The following RERE variants were observed in gnomAD, a reference collection of about 807,000 sequenced individuals.
RERE encodes the protein arginine-glutamic acid dipeptide repeats.
In RERE, 40 loss-of-function variants were observed where a neutral mutation model predicts 146.1. The observed-to-expected ratio is 0.27, with a 90% confidence interval of 0.21 to 0.36. RERE has a LOEUF of 0.36. Ranked by LOEUF, RERE falls within the 10% of genes least tolerant of loss-of-function variation. The pLI, the probability that RERE is intolerant of heterozygous loss-of-function variation, is 1.00. For missense variants in RERE, 1,933 were observed against 2,138.7 expected (o/e 0.90, Z 1.90); for synonymous variants, 1,003 against 866.0 (o/e 1.16, Z -2.78).
At chr1:8,642,078 T>C (rs1570552792) in intron 2 of RERE, among the ~76,000 whole-genome samples, 1 of 152,356 alleles carries the variant, frequency 6.6e-6, no homozygotes, top group East Asian at 1.9e-4. Flanking sequence ...ATATTTTATA[T>C]TTTAAATAAT....
chr1:8,419,058 G>A (rs539281566), intron 12 of RERE, among the ~76,000 whole-genome samples: 9 of 152,234 alleles, frequency 5.9e-5, no homozygotes, highest in South Asian at 2.1e-4. Flanking sequence ...TGCTCCACCC[G>A]TATTCCTGAC....
intron 2 of RERE, among the ~76,000 whole-genome samples, chr1:8,626,057 A>G (rs1646970137): frequency 1.3e-5 from 2 of 152,224 alleles, no homozygotes; most frequent in South Asian, 2.1e-4. Flanking sequence ...CAGATGCTAA[A>G]TAACTGTGCT....
rs1438788501 is a variant in RERE at position 8,627,873 on chromosome 1, A to G, written c.326-3493T>C. Among the ~76,000 whole-genome samples the G allele has an allele frequency of 2.6e-5, 4 of 152,332 alleles. No homozygotes were observed. In the East Asian group the frequency reaches 7.7e-4, roughly 29 times the overall value. Reference sequence around the variant, plus strand: ...ATACACTAGGATATAGCTCTGTTAGAGAAGGAAGGAAAGGAACATGCCGGT... The same window carrying G: ...ATACACTAGGATATAGCTCTGTTAGGGAAGGAAGGAAAGGAACATGCCGGT... On this transcript the variant is annotated intron_variant, in intron 2 of 22. Transcript: ENST00000400908.
rs1641211817 is a variant in RERE at position 8,354,416 on chromosome 1, A to G, written c.*671T>C. 1 of 152,494 alleles carries G rather than the reference A, an allele frequency of 6.6e-6. No homozygotes were observed. Among genetic ancestry groups the G allele is most frequent in the Admixed American group, 6.5e-5 (1 of 15,286 alleles). 9.4% of individuals were successfully genotyped at this position (152,494 alleles called of 1,614,324 possible). A position where few individuals can be genotyped will look rare whatever the true frequency, so the allele number is the denominator to read the frequency against. ...CCTTTAATTAAAGGGATAATTATAT[A>G]TAACTTTTTATTAAAAAATCAACTC... On this transcript the variant is annotated 3_prime_UTR_variant, in exon 23 of 23. Transcript: ENST00000400908.
At chr1:8,466,478 G>A (rs1208910642) in intron 10 of RERE, among the ~76,000 whole-genome samples, 1 of 152,048 alleles carries the variant, frequency 6.6e-6, no homozygotes, top group Non-Finnish European at 1.5e-5. Flanking sequence ...TCACCACACT[G>A]AGCCAGCAGG....
In RERE at chr1:8,618,193, A is replaced by C. The variant is rs35271674; in HGVS notation, c.397-3507T>G. On this transcript the variant is annotated intron_variant, in intron 3 of 22. Coordinates refer to ENST00000400908, the MANE Select transcript of RERE (RefSeq NM_001042681.2). ...AACCTAAGGTACCAACTAAACATCA[A>C]CATCACAATCAGTGTCATTCTATGG... Among the ~76,000 whole-genome samples, 1,446 of 152,314 alleles carry C rather than the reference A, an allele frequency of 9.5e-3. 24 individuals carry two copies. Among genetic ancestry groups the C allele is most frequent in the African/African-American group, 0.033 (1,390 of 41,536 alleles).
At chr1:8,814,338 T>C (rs960023281) in intron 1 of RERE, among the ~76,000 whole-genome samples, 1 of 152,234 alleles carries the variant, frequency 6.6e-6, no homozygotes, top group Admixed American at 6.5e-5. Flanking sequence ...TAAAAATCCT[T>C]TGAGACATTT....
At chr1:8,533,926 A>T (rs891838510) in intron 7 of RERE, among the ~76,000 whole-genome samples, 2 of 152,248 alleles carry the variant, frequency 1.3e-5, no homozygotes, top group African/African-American at 4.8e-5. Flanking sequence ...TATTAAAGTT[A>T]TCTTAACTTC....
intron 1 of RERE, among the ~76,000 whole-genome samples, chr1:8,672,031 T>C (rs1299402643): frequency 6.6e-6 from 1 of 152,090 alleles, no homozygotes; most frequent in Non-Finnish European, 1.5e-5. Context: ...TCTAGCACTT[T>C]GGGAGGCTGA....
Position 8,433,600 on chromosome 1 carries a change from T to C in RERE, c.1204-10793A>G, listed in dbSNP as rs549965402. 3.7e-3 allele frequency among the ~76,000 whole-genome samples: 545 copies of C among 146,358 alleles called. 2 individuals carry two copies. Among genetic ancestry groups the C allele is most frequent in the Middle Eastern group, 0.014 (4 of 284 alleles). The stretch of plus-strand genomic sequence containing the variant: ...ACGGAGTCTCGCTCTGTCGCCCAGG[T>C]CGGACTGCGGACTGCAGTGGCGCAA... On this transcript the variant is annotated intron_variant, in intron 11 of 22. Transcript: ENST00000400908.
intron 9 of RERE, 70 bp from the exon 10 acceptor site, chr1:8,495,232 T>A: frequency 8.7e-7 from 1 of 1,144,044 alleles, no homozygotes; most frequent in South Asian, 1.2e-5. Context: ...ACCTTCAATT[T>A]TCAGAGGACA....
chr1:8,403,108 T>C (rs920244300), intron 12 of RERE, among the ~76,000 whole-genome samples: 9 of 151,722 alleles, frequency 5.9e-5, no homozygotes, highest in African/African-American at 2.2e-4. Flanking sequence ...CATGTTGGCC[T>C]GGCTGGTTGC....
At chr1:8,380,668 C>T (rs572264320) in intron 12 of RERE, 5 of 361,764 alleles carry the variant, frequency 1.4e-5, no homozygotes, top group African/African-American at 1.1e-4. Context: ...TTTTTAAAAG[C>T]TTGATTTTCC....
chr1:8,808,093 G>A (rs1315365761), intron 1 of RERE, among the ~76,000 whole-genome samples: 1 of 146,452 alleles, frequency 6.8e-6, no homozygotes, highest in African/African-American at 2.6e-5. Context: ...GCAATGAGCC[G>A]TGATCATGCA....
At chr1:8,489,426 T>G (rs565284329) in intron 10 of RERE, among the ~76,000 whole-genome samples, 6 of 151,832 alleles carry the variant, frequency 4.0e-5, no homozygotes, top group Admixed American at 2.6e-4. Context: ...GGACAAATAA[T>G]TCCCAATACA....
chr1:8,461,065 T>C (rs1644520196), intron 11 of RERE, among the ~76,000 whole-genome samples: 1 of 152,150 alleles, frequency 6.6e-6, no homozygotes, highest in Non-Finnish European at 1.5e-5. Context: ...CATGCATAAA[T>C]AAACAGAATT....
chr1:8,356,696 G>A lies in RERE; in HGVS notation c.4340-450C>T, dbSNP rs998154650. On this transcript the variant is annotated intron_variant, in intron 20 of 22. Transcript: ENST00000400908. This position sits in a 1 kb window ranked among gnomAD's most constrained non-coding sequence, Gnocchi z 5.2. ...GCAGAACCTAAAGGAGGCCAGCAGA[G>A]TGGGTGGCGCAGAATGGGGACCTGG... is the stretch of plus-strand genomic sequence containing the variant. Among the ~76,000 whole-genome samples, 1 of 152,190 alleles carries A rather than the reference G, an allele frequency of 6.6e-6. No individual in the cohort carries two copies. The highest frequency in any genetic ancestry group is 6.5e-5 in the Admixed American group (1 of 15,282).
intron 1 of RERE, among the ~76,000 whole-genome samples, chr1:8,675,914 T>C (rs1638831122): frequency 6.6e-6 from 1 of 152,168 alleles, no homozygotes; most frequent in African/African-American, 2.4e-5. Context: ...TCTGAAATGG[T>C]CCAATGAGCA....
chr1:8,527,707 T>TC (rs1428821157), intron 7 of RERE, among the ~76,000 whole-genome samples: 1 of 152,148 alleles, frequency 6.6e-6, no homozygotes, highest in Non-Finnish European at 1.5e-5. Context: ...GTGGATATCC[T>TC]CTTCATTGTC....
Sources: allele counts gnomAD v4.1 joint callset (sites outside exome capture counted in the v4.1 genomes callset), GRCh38; gene constraint gnomAD v4.1.1; non-coding constraint Gnocchi (gnomAD v3.1); transcripts MANE v1.5; gene names NCBI Gene and HGNC (gene_info 2026-07-23, HGNC 2026-07-21).